Variants in NEDD4 observed in about 807,000 individuals in gnomAD.
NEDD4 encodes E3 ubiquitin-protein ligase NEDD4.
A neutral mutation model predicts 144.9 loss-of-function variants in NEDD4; 99 were observed. The observed-to-expected ratio is 0.68, with a 90% CI of 0.58 to 0.81. NEDD4 has a LOEUF of 0.81. NEDD4 is among the 30% of genes least tolerant of loss of function. NEDD4 has a pLI of 0.00. For missense variants in NEDD4, 985 were observed against 1,065.9 expected (o/e 0.92, Z 1.06); for synonymous variants, 318 against 350.6 (o/e 0.91, Z 1.04).
intron 18 of NEDD4, among the ~76,000 whole-genome samples, chr15:55,842,472 G>A (rs974429602): frequency 1.3e-5 from 2 of 152,102 alleles, no homozygotes; most frequent in South Asian, 4.1e-4. Context: ...CTGCAGCCTC[G>A]ACCTCATGGG....
At chr15:55,831,675 A>C (rs139542357) in intron 27 of NEDD4, among the ~76,000 whole-genome samples, 1 of 152,344 alleles carries the variant, frequency 6.6e-6, no homozygotes, top group Non-Finnish European at 1.5e-5. Context: ...CTGCAAACTC[A>C]TATTAATGAG....
intron 5 of NEDD4, among the ~76,000 whole-genome samples, chr15:55,875,474 T>C (rs559122281): frequency 6.6e-6 from 1 of 151,994 alleles, no homozygotes; most frequent in Non-Finnish European, 1.5e-5. Flanking sequence ...TGCACTACCA[T>C]GCCTGGCTGA....
At chr15:55,942,674 C>T (rs1204814392) in intron 4 of NEDD4, among the ~76,000 whole-genome samples, 2 of 152,146 alleles carry the variant, frequency 1.3e-5, no homozygotes, top group East Asian at 1.9e-4. Flanking sequence ...ATAAACTGCT[C>T]AGTCTCAGGG....
intron 4 of NEDD4, among the ~76,000 whole-genome samples, chr15:55,937,461 C>T (rs1174210562): frequency 2.0e-5 from 3 of 152,100 alleles, no homozygotes; most frequent in Non-Finnish European, 4.4e-5. Flanking sequence ...TTGATCCACA[C>T]AAATTTATCT....
At chr15:55,935,387 C>G (rs796886453) in intron 4 of NEDD4, among the ~76,000 whole-genome samples, 18 of 152,140 alleles carry the variant, frequency 1.2e-4, no homozygotes, top group African/African-American at 4.3e-4. Context: ...CAGGGATAGA[C>G]AGCAACTCCT....
intron 14 of NEDD4, among the ~76,000 whole-genome samples, chr15:55,850,041 T>A (rs1437110951): frequency 1.3e-5 from 2 of 151,658 alleles, no homozygotes; most frequent in African/African-American, 4.8e-5. Context: ...CCTCGTGATC[T>A]CCCCCCTCGG....
intron 2 of NEDD4, among the ~76,000 whole-genome samples, chr15:55,957,255 T>G (rs1261667106): frequency 3.9e-5 from 6 of 152,224 alleles, no homozygotes; most frequent in African/African-American, 1.4e-4. Flanking sequence ...AAAGACAGTT[T>G]TACTTCTTCC....
chr15:55,883,212 G>T (rs1320152634), intron 5 of NEDD4, among the ~76,000 whole-genome samples: 1 of 152,164 alleles, frequency 6.6e-6, no homozygotes. Context: ...TGACTGAAGA[G>T]CCCTGGGGCC....
intron 4 of NEDD4, among the ~76,000 whole-genome samples, chr15:55,926,114 G>A (rs1409901125): frequency 6.6e-5 from 10 of 151,672 alleles, no homozygotes; most frequent in African/African-American, 1.9e-4. Context: ...TGATACATAC[G>A]TATATGTATC....
chr15:55,865,554 A>C (rs2034558291), intron 8 of NEDD4, among the ~76,000 whole-genome samples: 1 of 150,568 alleles, frequency 6.6e-6, no homozygotes, highest in Non-Finnish European at 1.5e-5. Flanking sequence ...AATAACATTA[A>C]AAAAAAAAAG....
intron 1 of NEDD4, among the ~76,000 whole-genome samples, chr15:55,972,003 T>C (rs1284461970): frequency 6.6e-6 from 1 of 152,186 alleles, no homozygotes; most frequent in Non-Finnish European, 1.5e-5. Flanking sequence ...AAAATTTTTA[T>C]TGTAGAATAG....
chr15:55,843,821 C>T (rs1195762661), intron 18 of NEDD4, among the ~76,000 whole-genome samples: 3 of 151,984 alleles, frequency 2.0e-5, no homozygotes, highest in East Asian at 1.9e-4. Flanking sequence ...TGCAGGTAAG[C>T]ATTTATCAAA....
At chr15:55,860,886 AT>A in intron 9 of NEDD4, 108 bp from the exon 10 acceptor site, 1 of 945,398 alleles carries the variant, frequency 1.1e-6, no homozygotes, top group Non-Finnish European at 1.6e-6. Flanking sequence ...CAATAAAAAA[AT>A]TTATTGTCTT....
At chr15:55,993,366 C>G (rs2038019837) in intron 1 of NEDD4, 145 bp downstream of exon 1, 1 of 972,464 alleles carries the variant, frequency 1.0e-6, no homozygotes, top group Non-Finnish European at 1.4e-6. Context: ...GTCCCCGCGG[C>G]GCCTCGCGCG....
chr15:55,979,040 C>T (rs2037752021), intron 1 of NEDD4, among the ~76,000 whole-genome samples: 1 of 151,080 alleles, frequency 6.6e-6, no homozygotes, highest in Non-Finnish European at 1.5e-5. Context: ...CCTCTGTTGT[C>T]CCCCACCCTA....
In NEDD4 at chr15:55,833,040, CG is replaced by C. The variant is rs1474159675; in HGVS notation, c.2494del (p.Arg832GlyfsTer4). The C allele has an allele frequency of 1.5e-5, 24 of 1,612,590 alleles. No homozygotes were observed. The highest frequency in any genetic ancestry group is 2.0e-5 in the Non-Finnish European group (23 of 1,179,304). ...TTCAGCAAATCCATTCATAGGCACC[CG>C]AGATGTGCCAGTGACAAACTGAAGT... is the stretch of plus-strand genomic sequence containing the variant. ...RLLQFVTGTS[R>X]VPMNGFAELY... On this transcript the variant is annotated frameshift_variant, in exon 27 of 29. Transcript: ENST00000435532. LOFTEE classifies it high-confidence loss of function.
At chr15:55,920,811 T>C (rs2036554933) in intron 5 of NEDD4, among the ~76,000 whole-genome samples, 1 of 152,196 alleles carries the variant, frequency 6.6e-6, no homozygotes. Flanking sequence ...CCAATGGCTA[T>C]AGGTTCTATA....
intron 24 of NEDD4, among the ~76,000 whole-genome samples, 171 bp from the exon 25 acceptor site, chr15:55,834,457 C>T (rs2033104548): frequency 6.6e-6 from 1 of 152,172 alleles, no homozygotes; most frequent in Non-Finnish European, 1.5e-5. Context: ...TACATGTGCA[C>T]AGTCTGTTCT....
rs780115488 is a variant in NEDD4, at chr15:55,840,681, C to G, written c.1885G>C (p.Glu629Gln). Reference protein sequence around the residue: ...QINPNSGLCNEDHLSYFKFIG... With the variant: ...QINPNSGLCNQDHLSYFKFIG... ...AACTTGAAGTAAGAGAGGTGATCTT[C>G]GTTACACAATCCAGAGTTTGGATTT... The change falls in exon 20 of 29, where the codon GAA (glutamate) becomes CAA (glutamine). Residue 629 changes from glutamate (E) to glutamine (Q), a missense_variant. Transcript: ENST00000435532. 2.5e-6 allele frequency: 4 copies of G among 1,614,008 alleles called. No homozygotes were observed. The highest frequency in any genetic ancestry group is 2.7e-5 in the African/African-American group (2 of 75,026).
Sources: allele counts gnomAD v4.1 joint callset (sites outside exome capture counted in the v4.1 genomes callset), GRCh38; gene constraint gnomAD v4.1.1; transcripts MANE v1.5; gene names NCBI Gene and HGNC (gene_info 2026-07-23, HGNC 2026-07-21).